The following RBFOX1 variants were observed in gnomAD, a reference collection of about 807,000 sequenced individuals.
The protein encoded by RBFOX1 is RNA binding protein fox-1 homolog 1.
In RBFOX1, 8 loss-of-function variants were observed where a neutral mutation model predicts 57.7. The observed-to-expected ratio is 0.14, with a 90% CI of 0.08 to 0.25. The LOEUF is 0.25. Among genes scored for constraint, RBFOX1 ranks in the 10% least tolerant of loss-of-function variants. The probability of loss-of-function intolerance (pLI) is 1.00; values close to 1 mark genes in which losing one functional copy is unlikely to be tolerated. For synonymous variants in RBFOX1, 326 were observed against 222.4 expected, an observed-to-expected ratio of 1.47 and a Z score of -4.15; for missense variants, 611 against 548.5, an observed-to-expected ratio of 1.11 and a Z score of -1.14.
At chr16:7,006,512 T>C (rs983914827) in intron 3 of RBFOX1, among the ~76,000 whole-genome samples, 8 of 152,072 alleles carry the variant, frequency 5.3e-5, no homozygotes, top group Non-Finnish European at 1.0e-4. Context: ...TGGAGTGATA[T>C]GATCACAGCT....
At chr16:6,047,224 G>A (rs1246552980) in intron 1 of RBFOX1, among the ~76,000 whole-genome samples, 1 of 152,218 alleles carries the variant, frequency 6.6e-6, no homozygotes, top group East Asian at 1.9e-4. Flanking sequence ...GTGTGTGTAT[G>A]TGCGTGTGTT....
At chr16:6,885,170 C>G (rs892453568) in intron 3 of RBFOX1, among the ~76,000 whole-genome samples, 2 of 152,166 alleles carry the variant, frequency 1.3e-5, no homozygotes, top group African/African-American at 4.8e-5. Context: ...CCCTAATTCC[C>G]AGGTAGTAAT....
chr16:7,158,835 T>A (rs9932141), intron 4 of RBFOX1, among the ~76,000 whole-genome samples: 1,379 of 132,856 alleles, frequency 0.01, 25 homozygotes, highest in African/African-American at 0.033. Context: ...AGCACTTGTT[T>A]GTATGGTATG....
chr16:7,665,996 G>A (rs1279496695), intron 13 of RBFOX1, among the ~76,000 whole-genome samples: 3 of 152,128 alleles, frequency 2.0e-5, no homozygotes, highest in African/African-American at 7.2e-5. Flanking sequence ...TAATCTGTGG[G>A]TTAGTATTTT....
chr16:7,153,754 G>C (rs550314110), intron 4 of RBFOX1, among the ~76,000 whole-genome samples: 1 of 150,244 alleles, frequency 6.7e-6, no homozygotes, highest in East Asian at 2.0e-4. Context: ...AGGAAAGAAA[G>C]AAAGGAAAGG....
intron 3 of RBFOX1, among the ~76,000 whole-genome samples, chr16:7,000,496 T>G (rs1303937233): frequency 6.6e-6 from 1 of 152,112 alleles, no homozygotes; most frequent in East Asian, 1.9e-4. Flanking sequence ...TTCTGTTGAC[T>G]GGTGGTTAAA....
chr16:6,836,749 A>G (rs538269377), intron 3 of RBFOX1, among the ~76,000 whole-genome samples: 5 of 152,268 alleles, frequency 3.3e-5, no homozygotes, highest in African/African-American at 1.2e-4. Flanking sequence ...ATTTTCTTAA[A>G]GTATAACACC....
intron 3 of RBFOX1, among the ~76,000 whole-genome samples, chr16:7,028,231 G>A (rs1049902219): frequency 8.5e-5 from 13 of 152,056 alleles, no homozygotes; most frequent in East Asian, 7.8e-4. Context: ...AGCTTTCTCC[G>A]TAATAGACAG....
chr16:6,669,323 C>T lies in RBFOX1; in HGVS notation c.-16+14673C>T, dbSNP rs79269425. Among the ~76,000 whole-genome samples the T allele has an allele frequency of 4.2e-3, 640 of 152,236 alleles. 4 individuals are homozygous for T. The highest frequency in any genetic ancestry group is 0.015 in the African/African-American group (611 of 41,544). ...CCAATTCACTTCTTATATTGTGCTT[C>T]TTTTTATCAAGTTACAAGGCTTTTT... is the stretch of plus-strand genomic sequence containing the variant. On this transcript the variant is annotated intron_variant, in intron 3 of 15. Coordinates refer to ENST00000550418, the MANE Select transcript of RBFOX1 (RefSeq NM_018723.4).
chr16:6,215,889 A>G lies in RBFOX1; in HGVS notation c.-126-101106A>G, dbSNP rs144151464. 3.7e-4 allele frequency among the ~76,000 whole-genome samples: 56 copies of G among 152,302 alleles called. No homozygotes were observed. In the East Asian group the frequency reaches 9.9e-3, roughly 27 times the overall value. On this transcript the variant is annotated intron_variant, in intron 1 of 15. Coordinates refer to ENST00000550418, the MANE Select transcript of RBFOX1 (RefSeq NM_018723.4). The stretch of plus-strand genomic sequence containing the variant: ...CGCCACATGCCCACTGAAAGGATCC[A>G]CAAGATGGTTGCAGTGGAGTAAAAG...
intron 1 of RBFOX1, among the ~76,000 whole-genome samples, chr16:5,359,275 T>G (rs543362441): frequency 6.6e-6 from 1 of 152,236 alleles, no homozygotes; most frequent in Non-Finnish European, 1.5e-5. Flanking sequence ...GTACCTGGCA[T>G]GAGAGTGCAG....
intron 1 of RBFOX1, among the ~76,000 whole-genome samples, chr16:6,052,682 G>C (rs1159468915): frequency 6.6e-6 from 1 of 151,918 alleles, no homozygotes; most frequent in Non-Finnish European, 1.5e-5. Flanking sequence ...TACTCGGGAG[G>C]CTGAGGCAGG....
At chr16:7,316,948 G>A (rs1439794539) in intron 4 of RBFOX1, among the ~76,000 whole-genome samples, 1 of 127,836 alleles carries the variant, frequency 7.8e-6, no homozygotes, top group Non-Finnish European at 1.6e-5. Context: ...TTGCCAAGAC[G>A]AATGAAGAAG....
intron 1 of RBFOX1, among the ~76,000 whole-genome samples, chr16:6,145,157 A>G (rs2096748177): frequency 6.6e-6 from 1 of 152,012 alleles, no homozygotes; most frequent in South Asian, 2.1e-4. Context: ...ACTGCCCATT[A>G]GTTATATTTC....
chr16:6,360,157 A>C (rs1463239344), intron 2 of RBFOX1, among the ~76,000 whole-genome samples: 1 of 152,140 alleles, frequency 6.6e-6, no homozygotes, highest in Non-Finnish European at 1.5e-5. Context: ...AAAAAAATAT[A>C]GATTTCAGCC....
intron 4 of RBFOX1, among the ~76,000 whole-genome samples, chr16:5,971,415 A>T (rs1031471978): frequency 1.3e-5 from 2 of 152,196 alleles, no homozygotes; most frequent in East Asian, 3.9e-4. Flanking sequence ...AGATCTCAGG[A>T]GGTTTCAAGG....
Position 6,824,734 on chromosome 16 carries a change from A to G in RBFOX1, c.-16+170084A>G, listed in dbSNP as rs201704649. On this transcript the variant is annotated intron_variant, in intron 3 of 15. Transcript: ENST00000550418. ...TCTCTGTTTTACTTTTCTTTGAAAA[A>G]GTCCAAAAGCTTTCTTTAAAAACTT... Among the ~76,000 whole-genome samples the G allele has an allele frequency of 4.5e-4, 69 of 152,222 alleles. 1 individual carries two copies. In the East Asian group the frequency reaches 0.012, roughly 26 times the overall value.
At chr16:6,496,895 G>T (rs916671857) in intron 2 of RBFOX1, among the ~76,000 whole-genome samples, 2 of 152,168 alleles carry the variant, frequency 1.3e-5, no homozygotes, top group Non-Finnish European at 2.9e-5. Flanking sequence ...AGGAGGTGGA[G>T]ATTGTGGTGA....
chr16:5,475,309 C>A (rs183060984), intron 2 of RBFOX1, among the ~76,000 whole-genome samples: 53 of 152,316 alleles, frequency 3.5e-4, no homozygotes, highest in African/African-American at 1.3e-3. Flanking sequence ...AGGTAGGCAT[C>A]CTGCTATTAA....
Sources: gnomAD v4.1 joint callset for allele counts (sites outside exome capture counted in the v4.1 genomes callset) on GRCh38, gnomAD v4.1.1 for gene constraint, MANE v1.5 for transcripts, NCBI Gene and HGNC (gene_info 2026-07-23, HGNC 2026-07-21) for gene names.